The following LIPI variants were observed in gnomAD, a reference collection of about 807,000 sequenced individuals.
The protein encoded by LIPI is lipase member I.
In LIPI, 59 loss-of-function variants were observed where a neutral mutation model predicts 50.6. The observed-to-expected ratio is 1.16, with a 90% confidence interval of 0.94 to 1.45. LIPI has a LOEUF of 1.45. Ranked by LOEUF, LIPI falls within the 40% of genes most tolerant of loss-of-function variation. The pLI is 0.00. For synonymous variants in LIPI, 203 were observed against 178.2 expected (o/e 1.14, Z -1.11); for missense variants, 586 against 536.3 (o/e 1.09, Z -0.92).
At chr21:14,153,581 A>G (rs2018173952) in intron 7 of LIPI, among the ~76,000 whole-genome samples, 4 of 152,154 alleles carry the variant, frequency 2.6e-5, no homozygotes, top group Non-Finnish European at 5.9e-5. Context: ...CTGAAGAAGG[A>G]AGGGGAAGTG....
chr21:14,208,758 A>G (rs1450450941), intron 1 of LIPI, among the ~76,000 whole-genome samples: 1 of 152,210 alleles, frequency 6.6e-6, no homozygotes, highest in Admixed American at 6.5e-5. Context: ...GGTCGTTTAC[A>G]AAAATATTTC....
intron 7 of LIPI, among the ~76,000 whole-genome samples, chr21:14,153,282 G>A (rs1015688908): frequency 2.0e-5 from 3 of 152,138 alleles, no homozygotes; most frequent in African/African-American, 7.2e-5. Flanking sequence ...GACTACAGGA[G>A]TTATCCCAAG....
intron 8 of LIPI, among the ~76,000 whole-genome samples, chr21:14,151,663 G>C (rs143791041): frequency 6.6e-6 from 1 of 151,990 alleles, no homozygotes; most frequent in African/African-American, 2.4e-5. Flanking sequence ...TAGTGTGCCC[G>C]TTTATATCAT....
At chr21:14,116,372 G>A (rs2016638941) in intron 9 of LIPI, among the ~76,000 whole-genome samples, 2 of 152,248 alleles carry the variant, frequency 1.3e-5, no homozygotes, top group South Asian at 4.1e-4. Context: ...CAGTAGTTGG[G>A]TGTGACCTGG....
chr21:14,163,389 GT>G (rs775586286), intron 7 of LIPI, 29 bp downstream of exon 7: 11 of 1,064,130 alleles, frequency 1.0e-5, no homozygotes, highest in Non-Finnish European at 1.5e-5. Flanking sequence ...CTAAAAATTT[GT>G]TTATTTGTTA....
At chr21:14,117,925 G>T (rs1277896117) in intron 9 of LIPI, among the ~76,000 whole-genome samples, 1 of 151,978 alleles carries the variant, frequency 6.6e-6, no homozygotes, top group South Asian at 2.1e-4. Context: ...GGCTGGATTT[G>T]CAAGAGGACA....
rs1242304844 is a variant in LIPI, at chr21:14,125,470, G to A, written c.1296-16390C>T. Among the ~76,000 whole-genome samples, 5 of 152,164 alleles carry A rather than the reference G, an allele frequency of 3.3e-5. 1 individual carries two copies. Among genetic ancestry groups the A allele is most frequent in the Admixed American group, 1.3e-4 (2 of 15,280 alleles). On this transcript the variant is annotated intron_variant, in intron 9 of 9. Transcript: ENST00000681601. ...TGAAACTACTTGGTTCATCCAAAAA[G>A]GCAGACGATGAGGAAAAACGGAACA...
intron 9 of LIPI, among the ~76,000 whole-genome samples, chr21:14,117,907 G>A (rs991910065): frequency 3.9e-5 from 6 of 152,060 alleles, no homozygotes; most frequent in African/African-American, 1.4e-4. Context: ...AGCCCTGGTT[G>A]AAAGAGAGGC....
intron 9 of LIPI, among the ~76,000 whole-genome samples, chr21:14,133,004 T>C (rs2017352619): frequency 6.6e-6 from 1 of 151,470 alleles, no homozygotes; most frequent in Non-Finnish European, 1.5e-5. Flanking sequence ...GAATCAACAA[T>C]AAAATCTCAC....
At chr21:14,191,461 T>C (rs13052706) in intron 1 of LIPI, among the ~76,000 whole-genome samples, 40,155 of 150,824 alleles carry the variant, frequency 0.27, 5,599 homozygotes, top group Middle Eastern at 0.35. Context: ...GAAAAGAATA[T>C]ATATGATATG....
Position 14,171,302 on chromosome 21 carries a change from A to G in LIPI, c.644-4851T>C, listed in dbSNP as rs569181179. Among the ~76,000 whole-genome samples the G allele has an allele frequency of 1.8e-3, 268 of 145,194 alleles. 4 individuals carry two copies. Among genetic ancestry groups the G allele is most frequent in the Middle Eastern group, 0.011 (3 of 282 alleles). ...ATGGCCATACTGCCCAAGGTAATTT[A>G]TAGATTCAATGCCATCCCCATCAAG... is the stretch of plus-strand genomic sequence containing the variant. On this transcript the variant is annotated intron_variant, in intron 4 of 9. Coordinates refer to ENST00000681601, the MANE Select transcript of LIPI (RefSeq NM_001302998.2).
intron 1 of LIPI, among the ~76,000 whole-genome samples, chr21:14,210,001 A>G (rs2020323041): frequency 6.6e-6 from 1 of 152,038 alleles, no homozygotes. Flanking sequence ...TAGCCAATTG[A>G]AAACATAAGA....
At chr21:14,152,071 TTTTATTTATTTATTTATTTATTTA>T (rs71819029) in intron 8 of LIPI, among the ~76,000 whole-genome samples, 19 of 143,502 alleles carry the variant, frequency 1.3e-4, no homozygotes, top group South Asian at 6.7e-4. Flanking sequence ...CTTTAACTTA[TTTTATTTATTTATTTATTTATTTA>T]TTTATTTATT....
rs1280517239 is a variant in LIPI at position 14,189,240 on chromosome 21, T to C, written c.226A>G (p.Thr76Ala). ...CTGTATCCGTGAATAAGCCAGACTG[T>C]TTTCTTTTGTGTGTTGAAATTAACA... ...LNVNFNTQKK[T>A]VWLIHGYRPV... The change falls in exon 2 of 10, where the codon ACA becomes GCA. Residue 76 changes from threonine (T) to alanine (A), a missense_variant. Transcript: ENST00000681601. 1 of 1,614,008 alleles carries C rather than the reference T, an allele frequency of 6.2e-7. No homozygotes were observed. The highest frequency in any genetic ancestry group is 1.7e-5 in the Admixed American group (1 of 60,008).
At chr21:14,135,500 G>A (rs1430461322) in intron 9 of LIPI, among the ~76,000 whole-genome samples, 1 of 152,140 alleles carries the variant, frequency 6.6e-6, no homozygotes, top group African/African-American at 2.4e-5. Context: ...GGTGCTAGGG[G>A]AAGGAGAACA....
At chr21:14,206,161 A>C (rs2020219651) in intron 1 of LIPI, among the ~76,000 whole-genome samples, 1 of 152,140 alleles carries the variant, frequency 6.6e-6, no homozygotes, top group Admixed American at 6.6e-5. Context: ...AATTGAGAGC[A>C]AGGAGATTAA....
intron 9 of LIPI, among the ~76,000 whole-genome samples, chr21:14,136,721 C>T (rs1021389280): frequency 5.9e-5 from 9 of 152,086 alleles, no homozygotes; most frequent in Non-Finnish European, 1.3e-4. Flanking sequence ...CTTGAGTGAA[C>T]ATAGGCAGTT....
intron 1 of LIPI, among the ~76,000 whole-genome samples, chr21:14,204,459 C>T (rs2020169131): frequency 6.6e-6 from 1 of 151,878 alleles, no homozygotes; most frequent in South Asian, 2.1e-4. Flanking sequence ...GTAAATTCTG[C>T]TCAAATTAAT....
At chr21:14,209,777 T>C (rs1293138704) in intron 1 of LIPI, among the ~76,000 whole-genome samples, 3 of 152,060 alleles carry the variant, frequency 2.0e-5, no homozygotes, top group African/African-American at 4.8e-5. Context: ...TGATTATAAC[T>C]GTATTAAAAA....
Sources: allele counts gnomAD v4.1 joint callset (sites outside exome capture counted in the v4.1 genomes callset), GRCh38; gene constraint gnomAD v4.1.1; transcripts MANE v1.5; gene names NCBI Gene and HGNC (gene_info 2026-07-23, HGNC 2026-07-21).